The following WWTR1 variants were observed in gnomAD, a reference collection of about 807,000 sequenced individuals.
WWTR1 encodes the protein WW domain containing transcription regulator 1.
A neutral mutation model predicts 40.1 loss-of-function variants in WWTR1; 13 were observed. The observed-to-expected ratio is 0.32, with a 90% CI of 0.21 to 0.52. The LOEUF (loss-of-function observed/expected upper bound fraction) is 0.52. Among genes scored for constraint, WWTR1 ranks in the 20% least tolerant of loss-of-function variants. The pLI is 0.97. For missense variants in WWTR1, 436 were observed against 523.1 expected (o/e 0.83, Z 1.63); for synonymous variants, 230 against 210.1 (o/e 1.09, Z -0.82).
chr3:149,568,651 C>G (rs1260925304), intron 3 of WWTR1, among the ~76,000 whole-genome samples: 1 of 150,592 alleles, frequency 6.6e-6, no homozygotes, highest in Non-Finnish European at 1.5e-5. Context: ...AAAGAATCCT[C>G]TGTTTTTACA....
chr3:149,561,570 C>A (rs1737079533), intron 3 of WWTR1, among the ~76,000 whole-genome samples: 2 of 152,146 alleles, frequency 1.3e-5, no homozygotes, highest in Non-Finnish European at 2.9e-5. Context: ...CAGCATATGG[C>A]ACAAGGATTT....
At chr3:149,575,936 G>T in intron 2 of WWTR1, 1 of 456,232 alleles carries the variant, frequency 2.2e-6, no homozygotes, top group East Asian at 6.9e-5. Context: ...GCAGTGCAGT[G>T]GGAGCCTCCA....
chr3:149,668,080 G>A (rs1713907471), intron 2 of WWTR1, among the ~76,000 whole-genome samples: 1 of 152,176 alleles, frequency 6.6e-6, no homozygotes. Context: ...TCAGAGTCTG[G>A]TTAGTTGGCA....
At chr3:149,588,476 T>C (rs543358714) in intron 2 of WWTR1, among the ~76,000 whole-genome samples, 1 of 152,326 alleles carries the variant, frequency 6.6e-6, no homozygotes, top group East Asian at 1.9e-4. Flanking sequence ...TTTGTTTCTA[T>C]CTTTAGTGTA....
intron 1 of WWTR1, among the ~76,000 whole-genome samples, chr3:149,692,639 G>C (rs1295764752): frequency 1.3e-5 from 2 of 151,828 alleles, no homozygotes; most frequent in Non-Finnish European, 2.9e-5. Context: ...TTGTTTGTTT[G>C]TTTGTTTGTT....
At position 149,657,176 on chromosome 3, in the gene WWTR1, C is replaced by A. The variant is rs762511917; in HGVS notation, c.131G>T (p.Arg44Leu). The A allele has an allele frequency of 1.9e-6, 3 of 1,609,426 alleles. No homozygotes were observed. The highest frequency in any genetic ancestry group is 2.2e-5 in the South Asian group (2 of 89,994). ...SVMNPKPSSW[R>L]KKILPESFFK... ...GAAAGACTCCGGCAGGATCTTCTTC[C>A]GCCACGAGCTAGGCTTCGGATTCAT... The change falls in exon 2 of 7, where the codon CGG becomes CTG. Residue 44 changes from arginine (R) to leucine (L), a missense_variant. Transcript: ENST00000360632.
At chr3:149,576,661 A>C (rs534027313) in intron 2 of WWTR1, among the ~76,000 whole-genome samples, 1 of 152,360 alleles carries the variant, frequency 6.6e-6, no homozygotes, top group East Asian at 1.9e-4. Context: ...TACACTGTAC[A>C]GGTTTCATAT....
chr3:149,674,482 G>A (rs1271162277), intron 1 of WWTR1, among the ~76,000 whole-genome samples: 1 of 152,096 alleles, frequency 6.6e-6, no homozygotes. Flanking sequence ...AGCTACTTGG[G>A]AAGCTGGGGA....
chr3:149,564,008 C>T (rs1737201243), intron 3 of WWTR1, among the ~76,000 whole-genome samples: 1 of 152,200 alleles, frequency 6.6e-6, no homozygotes, highest in African/African-American at 2.4e-5. Flanking sequence ...CCCGCCTTGG[C>T]CTCCCAAAGC....
intron 6 of WWTR1, chr3:149,525,780 G>C: frequency 3.3e-6 from 1 of 303,400 alleles, no homozygotes; most frequent in Non-Finnish European, 6.0e-6. Context: ...GGAGGAACAA[G>C]GGGTGAAAAA....
chr3:149,686,525 C>T (rs1714660387), intron 1 of WWTR1, among the ~76,000 whole-genome samples: 1 of 152,098 alleles, frequency 6.6e-6, no homozygotes, highest in African/African-American at 2.4e-5. Flanking sequence ...TACAGCAAGA[C>T]ACCATCTCTC....
At chr3:149,547,225 TAA>T (rs55910448) in intron 3 of WWTR1, among the ~76,000 whole-genome samples, 7 of 134,632 alleles carry the variant, frequency 5.2e-5, no homozygotes, top group African/African-American at 8.4e-5. Flanking sequence ...ATAGTTCCAT[TAA>T]AAAAAAAAAA....
chr3:149,680,753 G>T (rs1714434907), intron 1 of WWTR1, among the ~76,000 whole-genome samples: 1 of 152,040 alleles, frequency 6.6e-6, no homozygotes, highest in East Asian at 1.9e-4. Context: ...GGGGTAGGAG[G>T]ATTGCTTGAG....
intron 3 of WWTR1, among the ~76,000 whole-genome samples, chr3:149,556,390 C>T (rs942246427): frequency 2.0e-5 from 3 of 152,220 alleles, no homozygotes; most frequent in African/African-American, 4.8e-5. Context: ...ACCAGCCTTG[C>T]CAACATAGTG....
chr3:149,591,589 C>T (rs144593494), intron 2 of WWTR1, among the ~76,000 whole-genome samples: 4,587 of 151,780 alleles, frequency 0.03, 130 homozygotes, highest in Non-Finnish European at 0.047. Flanking sequence ...CCTAAATTTT[C>T]TCTAAACAAA....
intron 2 of WWTR1, among the ~76,000 whole-genome samples, chr3:149,644,604 T>A (rs992626326): frequency 2.6e-5 from 4 of 152,204 alleles, no homozygotes; most frequent in Admixed American, 2.6e-4. Context: ...TTAATCCATG[T>A]CTGTACTCTA....
upstream of WWTR1, among the ~76,000 whole-genome samples, chr3:149,705,808 A>AT (rs1379025905): frequency 6.6e-6 from 1 of 152,208 alleles, no homozygotes; most frequent in African/African-American, 2.4e-5. Context: ...TAATTAAGTA[A>AT]TTTTCTCAAA....
At chr3:149,708,446 C>T (rs1014414392) in intron 5 of WWTR1, among the ~76,000 whole-genome samples, 1 of 152,022 alleles carries the variant, frequency 6.6e-6, no homozygotes, top group Admixed American at 6.6e-5. Context: ...AAACTCTATG[C>T]CCATTAAACA....
At chr3:149,718,668 T>G (rs1715671778) in intron 4 of WWTR1, among the ~76,000 whole-genome samples, 1 of 152,176 alleles carries the variant, frequency 6.6e-6, no homozygotes, top group African/African-American at 2.4e-5. Flanking sequence ...CAACCATCAT[T>G]CTACTTTCTG....
Sources: gnomAD v4.1 joint callset for allele counts (sites outside exome capture counted in the v4.1 genomes callset) on GRCh38, gnomAD v4.1.1 for gene constraint, MANE v1.5 for transcripts, NCBI Gene and HGNC (gene_info 2026-07-23, HGNC 2026-07-21) for gene names.